The following SLC9A2 variants were observed in gnomAD, a reference collection of about 807,000 sequenced individuals.
The protein encoded by SLC9A2 is sodium/hydrogen exchanger 2.
Under a neutral mutation model 71.7 loss-of-function variants are expected in SLC9A2, and 42 were observed. The ratio of observed to expected loss-of-function variants is 0.59; its 90% CI spans 0.46 to 0.76. SLC9A2 has a LOEUF of 0.76. SLC9A2 is among the 30% of genes least tolerant of loss of function. The pLI is 0.00. For synonymous variants in SLC9A2, 396 were observed against 392.5 expected (o/e 1.01, Z -0.10); for missense variants, 829 against 1,017.4 (o/e 0.81, Z 2.52).
chr2:102,634,677 C>T (rs1418413886), intron 1 of SLC9A2, among the ~76,000 whole-genome samples: 1 of 152,076 alleles, frequency 6.6e-6, no homozygotes, highest in African/African-American at 2.4e-5. Flanking sequence ...TACATGTCAG[C>T]CTCTGAAATA....
intron 3 of SLC9A2, among the ~76,000 whole-genome samples, chr2:102,678,692 A>G (rs1018571658): frequency 1.3e-5 from 2 of 152,258 alleles, no homozygotes; most frequent in East Asian, 3.9e-4. Flanking sequence ...TCCTGGCCAT[A>G]TACTTCAGTA....
At chr2:102,655,274 C>T (rs1325408960) in intron 1 of SLC9A2, among the ~76,000 whole-genome samples, 3 of 144,278 alleles carry the variant, frequency 2.1e-5, no homozygotes, top group Non-Finnish European at 4.5e-5. Flanking sequence ...CTGCCTCAGT[C>T]TCCCAAGTAG....
rs373477783 is a variant in SLC9A2, at chr2:102,653,538, A to C, written c.290-4026A>C. Among the ~76,000 whole-genome samples, 13 of 152,344 alleles carry C rather than the reference A, an allele frequency of 8.5e-5. No homozygotes were observed. In the East Asian group the frequency reaches 1.4e-3, roughly 16 times the overall value. ...CTTGCCCGAGTTTCTGGTCAGGATCAGTCTCATTGCCTGAGCATGGCAGGT... is the reference window on the plus strand; with the variant it reads ...CTTGCCCGAGTTTCTGGTCAGGATCCGTCTCATTGCCTGAGCATGGCAGGT... On this transcript the variant is annotated intron_variant, in intron 1 of 11. Transcript: ENST00000233969.
In SLC9A2 at chr2:102,677,557, G is replaced by T. The variant is rs150804169; in HGVS notation, c.1005-5704G>T. 2.5e-3 allele frequency among the ~76,000 whole-genome samples: 374 copies of T among 152,256 alleles called. 7 individuals carry two copies. Among genetic ancestry groups the T allele is most frequent in the African/African-American group, 8.5e-3 (353 of 41,538 alleles). On this transcript the variant is annotated intron_variant, in intron 3 of 11. Coordinates refer to ENST00000233969, the MANE Select transcript of SLC9A2 (RefSeq NM_003048.6). Reference sequence around the variant, plus strand: ...TCTCCACTCTGTCCTACAGAATGGAGCCTAAGACCTATCAAAATCTGGGCA... The same window carrying T: ...TCTCCACTCTGTCCTACAGAATGGATCCTAAGACCTATCAAAATCTGGGCA...
rs1573432676 is a variant in SLC9A2 at position 102,695,259 on chromosome 2, G to C, written c.1586+146G>C. 8.2e-6 allele frequency: 5 copies of C among 610,156 alleles called. No homozygotes were observed. The East Asian group carries it at 1.4e-4, about 17-fold the overall frequency. 37.8% of individuals were successfully genotyped at this position (610,156 alleles called of 1,614,324 possible). ...TCTAAGATAAAGTTCAGCTATAACA[G>C]AGATGTGGAATAATAGTAGCTTAAA... On this transcript the variant is annotated intron_variant, in intron 7 of 11. Coordinates refer to ENST00000233969, the MANE Select transcript of SLC9A2 (RefSeq NM_003048.6).
rs1558701424 is a variant in SLC9A2 at position 102,632,104 on chromosome 2, A to ATATATATGTATATATACATATATACG, written c.289+11992_289+11993insGTATATATGTATATATACATATATAC. ...CACATATATATACACATATATATAC[A>ATATATATGTATATATACATATATACG]TATATATGTATATATACATATATAC... On this transcript the variant is annotated intron_variant, in intron 1 of 11. Transcript: ENST00000233969. Among the ~76,000 whole-genome samples the ATATATATGTATATATACATATATACG allele has an allele frequency of 5.7e-5, 7 of 122,600 alleles. No individual in the cohort carries two copies. In the East Asian group the frequency reaches 1.3e-3, roughly 22 times the overall value. The allele number at this position is 122,600 out of a possible 152,430, so 80.4% of individuals were successfully genotyped here.
Position 102,654,195 on chromosome 2 carries a change from CTTTTTTTTTTT to C in SLC9A2, c.290-3356_290-3346del, listed in dbSNP as rs34248413. Among the ~76,000 whole-genome samples the C allele has an allele frequency of 2.1e-4, 19 of 89,534 alleles. No homozygotes were observed. The East Asian group carries it at 5.8e-3, about 27-fold the overall frequency. 58.7% of individuals were successfully genotyped at this position (89,534 alleles called of 152,430 possible). On this transcript the variant is annotated intron_variant, in intron 1 of 11. Coordinates refer to ENST00000233969, the MANE Select transcript of SLC9A2 (RefSeq NM_003048.6). ...CTGGCGATGCTGCTGTTGGCTGACT[CTTTTTTTTTTT>C]TTTTTTTTTTTTGAGACGGAGTCTC... is the stretch of plus-strand genomic sequence containing the variant.
At position 102,695,091 on chromosome 2, in the gene SLC9A2, G is replaced by A; in HGVS notation, c.1564G>A (p.Gly522Ser). 6.2e-7 allele frequency: 1 copy of A among 1,613,760 alleles called. No individual in the cohort carries two copies. Among genetic ancestry groups the A allele is most frequent in the Non-Finnish European group, 8.5e-7 (1 of 1,179,780 alleles). The change falls in exon 7 of 12, where the codon GGT becomes AGT. Residue 522 changes from glycine to serine, a missense_variant. This residue lies in a region of SLC9A2 where 500 missense variants were observed against 726.3 expected (regional missense o/e 0.69). Transcript: ENST00000233969. ...TGIEDVCGHW[G>S]HNFWRDKFKK... The stretch of plus-strand genomic sequence containing the variant: ...AATTGAAGATGTTTGTGGACATTGG[G>A]GTCACAACTTTTGGAGAGACAAGTA...
intron 1 of SLC9A2, among the ~76,000 whole-genome samples, chr2:102,646,787 A>ATATATATATC (rs1459305572): frequency 6.7e-6 from 1 of 148,342 alleles, no homozygotes; most frequent in Non-Finnish European, 1.5e-5. Context: ...ATATATATAT[A>ATATATATATC]TATCTCCAAT....
intron 1 of SLC9A2, among the ~76,000 whole-genome samples, chr2:102,641,531 A>C (rs544030306): frequency 6.6e-6 from 1 of 151,544 alleles, no homozygotes. Context: ...ACTCCTGTTC[A>C]CTTCTCAGGT....
chr2:102,639,168 A>G (rs967155859), intron 1 of SLC9A2, among the ~76,000 whole-genome samples: 2 of 152,214 alleles, frequency 1.3e-5, no homozygotes, highest in African/African-American at 4.8e-5. Flanking sequence ...TGGGTGACAG[A>G]ATGAAACCCT....
rs144197023 is a variant in SLC9A2, at chr2:102,708,458, G to A, written c.2408G>A (p.Arg803Gln). The A allele has an allele frequency of 3.6e-5, 58 of 1,614,112 alleles. No homozygotes were observed. Among genetic ancestry groups the A allele is most frequent in the Non-Finnish European group, 4.6e-5 (54 of 1,180,010 alleles). ...TGGAGGGCATCGGAACCTGGAAGCC[G>A]GAAAGCCCGATTTGGGAGTGAGAAG... ...LVWRASEPGS[R>Q]KARFGSEKP Residue 803 changes from arginine to glutamine, a missense_variant, in exon 12 of 12, where the codon CGG becomes CAG. This residue lies in a region of SLC9A2 where 223 missense variants were observed against 197.5 expected (regional missense o/e 1.13). Transcript: ENST00000233969.
At chr2:102,666,182 A>ATTCCAG (rs1482241722) in intron 3 of SLC9A2, among the ~76,000 whole-genome samples, 1 of 149,142 alleles carries the variant, frequency 6.7e-6, no homozygotes, top group East Asian at 2.0e-4. Context: ...TGACCATGCA[A>ATTCCAG]TTCCAGTTTA....
rs150907901 is a variant in SLC9A2, at chr2:102,656,996, G to T, written c.290-568G>T. Among the ~76,000 whole-genome samples the T allele has an allele frequency of 6.9e-3, 1,058 of 152,272 alleles. 12 individuals carry two copies. The highest frequency in any genetic ancestry group is 0.024 in the African/African-American group (985 of 41,540). ...GAGGTGGGCGGATCACCTGAGGTCA[G>T]AAGTTCGAGACCAGCCTGGCCAACA... On this transcript the variant is annotated intron_variant, in intron 1 of 11. Coordinates refer to ENST00000233969, the MANE Select transcript of SLC9A2 (RefSeq NM_003048.6).
chr2:102,656,430 C>T (rs1353088319), intron 1 of SLC9A2, among the ~76,000 whole-genome samples: 1 of 152,224 alleles, frequency 6.6e-6, no homozygotes, highest in African/African-American at 2.4e-5. Context: ...AAGCAGACTT[C>T]CTCTTCCTCT....
intron 3 of SLC9A2, among the ~76,000 whole-genome samples, chr2:102,681,444 A>G (rs1272127798): frequency 6.6e-6 from 1 of 152,236 alleles, no homozygotes; most frequent in East Asian, 1.9e-4. Context: ...GGAATCTTAC[A>G]TAATTGAACC....
At chr2:102,679,492 C>T (rs1042680393) in intron 3 of SLC9A2, among the ~76,000 whole-genome samples, 7 of 151,894 alleles carry the variant, frequency 4.6e-5, no homozygotes, top group African/African-American at 1.4e-4. Flanking sequence ...CGCCATTCTT[C>T]TGCCTCAGCC....
chr2:102,672,964 A>G (rs1042208497), intron 3 of SLC9A2, among the ~76,000 whole-genome samples: 3 of 152,068 alleles, frequency 2.0e-5, no homozygotes, highest in African/African-American at 7.2e-5. Context: ...TCGAGCCTCT[A>G]TATTAAGGTC....
chr2:102,708,578 A>G lies in SLC9A2; in HGVS notation c.*89A>G. 1 of 1,447,354 alleles carries G rather than the reference A, an allele frequency of 6.9e-7. No individual in the cohort carries two copies. Among genetic ancestry groups the G allele is most frequent in the East Asian group, 2.3e-5 (1 of 43,726 alleles). 89.7% of individuals were successfully genotyped at this position (1,447,354 alleles called of 1,614,324 possible). On this transcript the variant is annotated 3_prime_UTR_variant, in exon 12 of 12. Coordinates refer to ENST00000233969, the MANE Select transcript of SLC9A2 (RefSeq NM_003048.6). ...CCTGATGCAACAGTGGAATCCATGT[A>G]AAACTCTCTGTGCATCTAAATACTT...
Sources: gnomAD v4.1 joint callset for allele counts (sites outside exome capture counted in the v4.1 genomes callset) on GRCh38, gnomAD v4.1.1 for gene constraint, gnomAD v4.1.1 regional missense constraint, MANE v1.5 for transcripts, NCBI Gene and HGNC (gene_info 2026-07-23, HGNC 2026-07-21) for gene names.